Variants in CHD1L observed in about 807,000 individuals in gnomAD.
The protein encoded by CHD1L is ATP-dependent chromatin remodeler CHD1L.
In CHD1L, 118 loss-of-function variants were observed where a neutral mutation model predicts 115.9. That is an observed-to-expected ratio of 1.02 (90% CI 0.88 to 1.19). CHD1L has a LOEUF of 1.19. Among genes scored for constraint, CHD1L ranks in the 50% most tolerant of loss-of-function variants. The pLI, the probability that CHD1L is intolerant of heterozygous loss-of-function variation, is 0.00. For missense variants in CHD1L, 1,179 were observed against 1,065.3 expected, an observed-to-expected ratio of 1.11 and a Z score of -1.49; for synonymous variants, 411 against 387.1, an observed-to-expected ratio of 1.06 and a Z score of -0.72.
In CHD1L at chr1:147,287,647, A is replaced by G. The variant is rs781854060; in HGVS notation, c.2234A>G (p.His745Arg). The change falls in exon 19 of 23, where the codon CAC becomes CGC. Residue 745 changes from histidine (H) to arginine (R), a missense_variant. Coordinates refer to ENST00000369258, the MANE Select transcript of CHD1L (RefSeq NM_004284.6). ...TTTCTTCAAACAGATGACTCTGGCCACTGGGGCAGAGGTGGTTTATTTACA... is the reference window on the plus strand; with the variant it reads ...TTTCTTCAAACAGATGACTCTGGCCGCTGGGGCAGAGGTGGTTTATTTACA... ...LIVHCVDDSG[H>R]WGRGGLFTAL... 6.1e-5 allele frequency: 99 copies of G among 1,613,696 alleles called. No individual in the cohort carries two copies. Among genetic ancestry groups the G allele is most frequent in the Non-Finnish European group, 8.1e-5 (96 of 1,179,836 alleles).
chr1:147,227,919 C>A, the CHD1L span, among the ~76,000 whole-genome samples: 3 of 151,908 alleles, frequency 2.0e-5, no homozygotes, highest in Non-Finnish European at 4.4e-5. Context: ...TTTGGAGGCC[C>A]CCTTTGTTTT....
Position 147,276,209 on chromosome 1 carries a change from C to T in CHD1L, c.1491C>T (p.Gly497=). ...TCACCAACATGATCATAGAAGGAGG[C>T]CATTTTACTCTGGGAGCCCAGAAAC... ...LQLTNMIIEG[G]HFTLGAQKPA... is the part of the protein sequence containing the mutation. The change falls in exon 14 of 23, where the codon GGC becomes GGT. Residue 497 remains glycine, a synonymous_variant. Transcript: ENST00000369258. 6.2e-7 allele frequency: 1 copy of T among 1,614,140 alleles called. No individual in the cohort carries two copies. Among genetic ancestry groups the T allele is most frequent in the Non-Finnish European group, 8.5e-7 (1 of 1,180,022 alleles).
chr1:147,186,005 T>C, the CHD1L span, among the ~76,000 whole-genome samples: 5 of 152,172 alleles, frequency 3.3e-5, no homozygotes, highest in Admixed American at 2.6e-4. Context: ...TTACTTAGAC[T>C]CCATGTAAGG....
intron 1 of CHD1L, among the ~76,000 whole-genome samples, chr1:147,249,721 C>T (rs1341156264): frequency 6.6e-6 from 1 of 152,070 alleles, no homozygotes; most frequent in Non-Finnish European, 1.5e-5. Flanking sequence ...GTTATGTTTG[C>T]GGTTTACTCA....
chr1:147,282,497 T>TC (rs1681308180), intron 15 of CHD1L, among the ~76,000 whole-genome samples: 1 of 152,184 alleles, frequency 6.6e-6, no homozygotes, highest in Non-Finnish European at 1.5e-5. Flanking sequence ...GTGTTTTGTT[T>TC]CCATGTCTCT....
chr1:147,267,198 G>C (rs1441265737), intron 8 of CHD1L, among the ~76,000 whole-genome samples: 2 of 152,184 alleles, frequency 1.3e-5, no homozygotes, highest in African/African-American at 2.4e-5. Flanking sequence ...GAGTACTTCT[G>C]AGTTCTATTT....
At chr1:147,215,432 C>T in the CHD1L span, 1 of 229,882 alleles carries the variant, frequency 4.4e-6, no homozygotes, top group Non-Finnish European at 8.4e-6. Flanking sequence ...TTAAAGTTCC[C>T]ATACCTATCA....
the CHD1L span, among the ~76,000 whole-genome samples, chr1:147,222,627 C>A: frequency 1.3e-5 from 2 of 152,118 alleles, no homozygotes; most frequent in Admixed American, 6.5e-5. Context: ...AGAAATATAA[C>A]GGTGAACCAC....
chr1:147,218,981 A>C, the CHD1L span, among the ~76,000 whole-genome samples: 9 of 152,212 alleles, frequency 5.9e-5, no homozygotes, highest in Admixed American at 4.6e-4. Flanking sequence ...CTATATTATC[A>C]GGCATTTGTT....
At chr1:147,275,499 G>GC in intron 13 of CHD1L, 31 bp downstream of exon 13, 1 of 1,537,834 alleles carries the variant, frequency 6.5e-7, no homozygotes. Context: ...TCCTTGGCTT[G>GC]CCCAGCAGCA....
intron 6 of CHD1L, among the ~76,000 whole-genome samples, chr1:147,261,422 AG>A (rs1254482889): frequency 6.7e-6 from 1 of 149,966 alleles, no homozygotes; most frequent in Admixed American, 6.6e-5. Context: ...TTATATATAA[AG>A]GCCTTAATCT....
At chr1:147,194,411 G>A in the CHD1L span, among the ~76,000 whole-genome samples, 10 of 152,230 alleles carry the variant, frequency 6.6e-5, no homozygotes, top group South Asian at 1.9e-3. Context: ...CTCTGCACAT[G>A]AGATGGGTTT....
At chr1:147,240,822 C>T (rs1664783323), upstream of CHD1L, among the ~76,000 whole-genome samples, 1 of 151,964 alleles carries the variant, frequency 6.6e-6, no homozygotes, top group African/African-American at 2.4e-5. Context: ...TCATGCTGAC[C>T]GTCTCTCCAC....
At chr1:147,209,169 C>T in the CHD1L span, 1 of 758,554 alleles carries the variant, frequency 1.3e-6, no homozygotes, top group Non-Finnish European at 2.1e-6. Context: ...CCTGTAATCC[C>T]AGCACTTTGG....
At chr1:147,192,475 C>T in the CHD1L span, among the ~76,000 whole-genome samples, 21 of 152,224 alleles carry the variant, frequency 1.4e-4, no homozygotes, top group East Asian at 4.0e-3. Flanking sequence ...AATTTGACTT[C>T]CTCTTTTCCT....
chr1:147,245,319 C>G (rs1002020366), intron 1 of CHD1L, among the ~76,000 whole-genome samples: 63 of 152,346 alleles, frequency 4.1e-4, no homozygotes, highest in African/African-American at 1.5e-3. Context: ...CCGCTTCCCA[C>G]TTAGCTACTA....
the CHD1L span, chr1:147,213,432 G>A: frequency 8.7e-6 from 14 of 1,611,982 alleles, no homozygotes; most frequent in Non-Finnish European, 1.0e-5. Context: ...GGCCTGAAGT[G>A]GCAAAATCAG....
chr1:147,175,911 CTA>C, the CHD1L span: 1 of 134,804 alleles, frequency 7.4e-6, no homozygotes, highest in South Asian at 2.2e-4. Flanking sequence ...AAAAGGAAGA[CTA>C]TACGGTCAGA....
intron 17 of CHD1L, 91 bp downstream of exon 17, chr1:147,285,578 G>C (rs1553965060): frequency 2.2e-6 from 3 of 1,360,350 alleles, no homozygotes; most frequent in Non-Finnish European, 3.0e-6. Flanking sequence ...TAAAAATACA[G>C]AAAATTCATT....
Sources: gnomAD v4.1 joint callset for allele counts (sites outside exome capture counted in the v4.1 genomes callset) on GRCh38, gnomAD v4.1.1 for gene constraint, MANE v1.5 for transcripts, NCBI Gene and HGNC (gene_info 2026-07-23, HGNC 2026-07-21) for gene names.